PTPRK: variants seen among roughly 807,000 people sequenced by gnomAD.
PTPRK encodes the protein protein tyrosine phosphatase receptor type K.
PTPRK carries 75 observed loss-of-function variants against 178.0 expected under a neutral mutation model. The observed-to-expected ratio is 0.42, with a 90% CI of 0.35 to 0.51. PTPRK has a LOEUF of 0.51. PTPRK is among the 20% of genes least tolerant of loss of function. The pLI is 0.02. For synonymous variants in PTPRK, 637 were observed against 620.6 expected, an observed-to-expected ratio of 1.03 and a Z score of -0.39; for missense variants, 1,441 against 1,797.8, an observed-to-expected ratio of 0.80 and a Z score of 3.59.
At chr6:128,497,136 A>C (rs759542554) in intron 1 of PTPRK, among the ~76,000 whole-genome samples, 48 of 152,210 alleles carry the variant, frequency 3.2e-4, no homozygotes, top group Non-Finnish European at 6.2e-4. Context: ...TATATTCTAT[A>C]CTACCAGCAA....
At chr6:128,125,050 T>C (rs1793115979) in intron 7 of PTPRK, among the ~76,000 whole-genome samples, 1 of 152,268 alleles carries the variant, frequency 6.6e-6, no homozygotes, top group Non-Finnish European at 1.5e-5. Flanking sequence ...AGCTGCTTTC[T>C]ATAATTAATC....
At chr6:128,286,151 T>C (rs1822471864) in intron 3 of PTPRK, among the ~76,000 whole-genome samples, 1 of 152,144 alleles carries the variant, frequency 6.6e-6, no homozygotes, top group African/African-American at 2.4e-5. Flanking sequence ...TCTAACTGCT[T>C]TTAAAATTTT....
At chr6:128,010,956 T>G (rs1395572179) in intron 13 of PTPRK, among the ~76,000 whole-genome samples, 1 of 151,202 alleles carries the variant, frequency 6.6e-6, no homozygotes, top group Non-Finnish European at 1.5e-5. Flanking sequence ...GCTTTCAAAT[T>G]ATTTTATGGT....
chr6:128,416,000 C>T (rs1303471551), intron 1 of PTPRK, among the ~76,000 whole-genome samples: 1 of 151,958 alleles, frequency 6.6e-6, no homozygotes, highest in Non-Finnish European at 1.5e-5. Flanking sequence ...GAATTTAATT[C>T]AATAAACATG....
chr6:128,168,676 C>T (rs1583304926), intron 7 of PTPRK, among the ~76,000 whole-genome samples: 1 of 152,138 alleles, frequency 6.6e-6, no homozygotes, highest in East Asian at 1.9e-4. Flanking sequence ...CTAACTAATG[C>T]CTGATGATCT....
At chr6:128,275,529 C>A (rs1820591480) in intron 3 of PTPRK, among the ~76,000 whole-genome samples, 1 of 151,988 alleles carries the variant, frequency 6.6e-6, no homozygotes, top group Non-Finnish European at 1.5e-5. Flanking sequence ...CAATTGCTAA[C>A]TGAAGACAGT....
intron 7 of PTPRK, among the ~76,000 whole-genome samples, chr6:128,129,541 A>G (rs1313156242): frequency 1.3e-5 from 2 of 152,122 alleles, no homozygotes; most frequent in Non-Finnish European, 2.9e-5. Flanking sequence ...TTCAACAACA[A>G]CAACAGAATA....
At position 128,451,550 on chromosome 6, in the gene PTPRK, A is replaced by G. The variant is rs934178456; in HGVS notation, c.101-53862T>C. On this transcript the variant is annotated intron_variant, in intron 1 of 29. Coordinates refer to ENST00000368226, the MANE Select transcript of PTPRK (RefSeq NM_002844.4). ...ATATGAGATTGAATGCAGAAGAGGT[A>G]CAAAAATTTAGTCTTCTAATAAGCT... Among the ~76,000 whole-genome samples, 3 of 152,166 alleles carry G rather than the reference A, an allele frequency of 2.0e-5. No homozygotes were observed. In the South Asian group the frequency reaches 6.2e-4, roughly 32 times the overall value.
chr6:127,983,290 A>G lies in PTPRK; in HGVS notation c.3339T>C (p.Asn1113=). The stretch of plus-strand genomic sequence containing the variant: ...GCCGAGATCTTAAGGCTTTGACACA[A>G]TTGTAAATATCAACAACACCCTCTC... The part of the protein sequence containing the change: ...AEREGVVDIY[N]CVKALRSRRI... The change falls in exon 23 of 30, where the codon AAT becomes AAC. Residue 1113 remains asparagine (N), a synonymous_variant. Transcript: ENST00000368226. 1 of 1,613,734 alleles carries G rather than the reference A, an allele frequency of 6.2e-7. No homozygotes were observed. The highest frequency in any genetic ancestry group is 8.5e-7 in the Non-Finnish European group (1 of 1,179,712).
chr6:128,511,543 A>G (rs1857191107), intron 1 of PTPRK, among the ~76,000 whole-genome samples: 2 of 152,152 alleles, frequency 1.3e-5, no homozygotes, highest in African/African-American at 4.8e-5. Flanking sequence ...CTCTATATGG[A>G]GCCTAAGAAG....
chr6:128,377,893 T>C (rs1224343847), intron 2 of PTPRK, among the ~76,000 whole-genome samples: 1 of 152,150 alleles, frequency 6.6e-6, no homozygotes, highest in Non-Finnish European at 1.5e-5. Flanking sequence ...TACAAGCATA[T>C]AAATTAGGCT....
rs11962682 is a variant in PTPRK, at chr6:128,216,237, T to G, written c.868+2685A>C. On this transcript the variant is annotated intron_variant, in intron 6 of 29. Coordinates refer to ENST00000368226, the MANE Select transcript of PTPRK (RefSeq NM_002844.4). Reference sequence around the variant, plus strand: ...ACAAAACTTATGGCAGGACTTTCTTTAAAAAAAGGAAAAATAAGGCCGGGA... The same window carrying G: ...ACAAAACTTATGGCAGGACTTTCTTGAAAAAAAGGAAAAATAAGGCCGGGA... Among the ~76,000 whole-genome samples, 480 of 152,106 alleles carry G rather than the reference T, an allele frequency of 3.2e-3. 1 individual carries two copies. The highest frequency in any genetic ancestry group is 0.011 in the African/African-American group (469 of 41,514).
intron 13 of PTPRK, among the ~76,000 whole-genome samples, chr6:128,058,177 G>C (rs1363124975): frequency 6.6e-6 from 1 of 152,086 alleles, no homozygotes; most frequent in African/African-American, 2.4e-5. Context: ...TCTTTGGTGA[G>C]TATCCCAGGA....
At position 128,447,624 on chromosome 6, in the gene PTPRK, G is replaced by A. The variant is rs895710716; in HGVS notation, c.101-49936C>T. Among the ~76,000 whole-genome samples the A allele has an allele frequency of 5.1e-4, 77 of 150,100 alleles. 3 individuals carry two copies. Among genetic ancestry groups the A allele is most frequent in the Admixed American group, 1.7e-3 (25 of 15,098 alleles). On this transcript the variant is annotated intron_variant, in intron 1 of 29. Transcript: ENST00000368226. ...TTTTTGAGTGTGCAGATTCAAAACC[G>A]TGCCTTTTTTTTTTTTTTTAGATGG... is the stretch of plus-strand genomic sequence containing the variant.
intron 3 of PTPRK, among the ~76,000 whole-genome samples, chr6:128,299,659 G>A (rs1584001217): frequency 2.0e-5 from 3 of 152,060 alleles, no homozygotes; most frequent in Admixed American, 2.0e-4. Context: ...TGGGAAAACT[G>A]GCTAGCCTTA....
intron 2 of PTPRK, among the ~76,000 whole-genome samples, chr6:128,332,773 C>T (rs1193800122): frequency 1.3e-5 from 2 of 152,046 alleles, no homozygotes; most frequent in African/African-American, 2.4e-5. Flanking sequence ...CAGTCTTATC[C>T]TTCCTATTCC....
chr6:128,362,048 A>G (rs1009006483), intron 2 of PTPRK, among the ~76,000 whole-genome samples: 1 of 152,132 alleles, frequency 6.6e-6, no homozygotes, highest in South Asian at 2.1e-4. Flanking sequence ...TCTTGCAATT[A>G]CTATAAAGAA....
intron 5 of PTPRK, among the ~76,000 whole-genome samples, chr6:128,224,260 G>C (rs1342175464): frequency 6.6e-6 from 1 of 151,974 alleles, no homozygotes; most frequent in Admixed American, 6.6e-5. Context: ...TATTTATTTT[G>C]TCTCCAATAC....
chr6:128,446,622 G>A (rs1238262936), intron 1 of PTPRK, among the ~76,000 whole-genome samples: 1 of 152,188 alleles, frequency 6.6e-6, no homozygotes, highest in Non-Finnish European at 1.5e-5. Flanking sequence ...AAGAAGTAAT[G>A]AGAGGTTGGC....
Sources: gnomAD v4.1 joint callset for allele counts (sites outside exome capture counted in the v4.1 genomes callset) on GRCh38, gnomAD v4.1.1 for gene constraint, MANE v1.5 for transcripts, NCBI Gene and HGNC (gene_info 2026-07-23, HGNC 2026-07-21) for gene names.